SLC24A2: variants seen among roughly 807,000 people sequenced by gnomAD.
SLC24A2 encodes solute carrier family 24 member 2.
SLC24A2 carries 36 observed loss-of-function variants against 62.0 expected under a neutral mutation model. That is an observed-to-expected ratio of 0.58 (90% CI 0.44 to 0.77). The LOEUF (loss-of-function observed/expected upper bound fraction) is 0.77. SLC24A2 is among the 30% of genes least tolerant of loss of function. SLC24A2 has a pLI of 0.00. For missense variants in SLC24A2, 846 were observed against 817.9 expected (o/e 1.03, Z -0.42); for synonymous variants, 358 against 294.0 (o/e 1.22, Z -2.23).
At chr9:20,213,262 G>C in the SLC24A2 span, among the ~76,000 whole-genome samples, 1 of 151,756 alleles carries the variant, frequency 6.6e-6, no homozygotes, top group Admixed American at 6.6e-5. Flanking sequence ...TAAAGAAAAA[G>C]TAAAAACTGG....
chr9:19,722,655 A>G (rs968418034), intron 2 of SLC24A2, among the ~76,000 whole-genome samples: 35 of 37,450 alleles, frequency 9.3e-4, no homozygotes, highest in African/African-American at 7.0e-3. Context: ...GAAATAGGAT[A>G]TTAAAAAAAA....
chr9:19,999,357 A>G, the SLC24A2 span, among the ~76,000 whole-genome samples: 2 of 152,232 alleles, frequency 1.3e-5, no homozygotes, highest in Admixed American at 1.3e-4. Context: ...CTACACAAAT[A>G]TATGAGCTTG....
At chr9:20,187,314 T>C in the SLC24A2 span, among the ~76,000 whole-genome samples, 1 of 152,188 alleles carries the variant, frequency 6.6e-6, no homozygotes, top group Non-Finnish European at 1.5e-5. Flanking sequence ...TACCCAGTAA[T>C]TTGCCAATCA....
chr9:19,803,618 G>T, the SLC24A2 span, among the ~76,000 whole-genome samples: 3,690 of 152,104 alleles, frequency 0.024, 162 homozygotes, highest in African/African-American at 0.084. Flanking sequence ...TAAAATAAAT[G>T]TTTTCTCAAT....
intron 2 of SLC24A2, among the ~76,000 whole-genome samples, chr9:19,676,419 G>A (rs186401564): frequency 3.9e-5 from 6 of 152,282 alleles, no homozygotes; most frequent in African/African-American, 7.2e-5. Flanking sequence ...TCCCCATGCC[G>A]TTGCCAGAAT....
At chr9:19,714,644 T>C (rs1034229470) in intron 2 of SLC24A2, among the ~76,000 whole-genome samples, 1 of 152,154 alleles carries the variant, frequency 6.6e-6, no homozygotes. Flanking sequence ...TTTTTTTGCG[T>C]ATATCTATTT....
the SLC24A2 span, among the ~76,000 whole-genome samples, chr9:19,901,771 G>C: frequency 1.3e-5 from 2 of 152,146 alleles, no homozygotes; most frequent in East Asian, 3.9e-4. Flanking sequence ...TCTGTGGTTG[G>C]TGTTCTTCTT....
chr9:20,230,566 AT>A, the SLC24A2 span, among the ~76,000 whole-genome samples: 1 of 151,222 alleles, frequency 6.6e-6, no homozygotes, highest in African/African-American at 2.4e-5. Context: ...CCTTCACCCA[AT>A]TTTGATGGGG....
At chr9:20,096,681 A>T in the SLC24A2 span, among the ~76,000 whole-genome samples, 8 of 152,112 alleles carry the variant, frequency 5.3e-5, no homozygotes. Context: ...ATTATTTTAG[A>T]AAGATACTTT....
chr9:20,157,056 A>G, the SLC24A2 span, among the ~76,000 whole-genome samples: 1 of 151,798 alleles, frequency 6.6e-6, no homozygotes, highest in Admixed American at 6.6e-5. Flanking sequence ...ACCACTTTAA[A>G]AAAGCAATTT....
At chr9:19,861,795 C>T in the SLC24A2 span, among the ~76,000 whole-genome samples, 2 of 152,086 alleles carry the variant, frequency 1.3e-5, no homozygotes, top group African/African-American at 2.4e-5. Flanking sequence ...AGTTGGCATA[C>T]TGAAGAATGC....
intron 8 of SLC24A2, among the ~76,000 whole-genome samples, chr9:19,540,367 T>C (rs1166024329): frequency 2.8e-3 from 406 of 143,242 alleles, no homozygotes; most frequent in African/African-American, 0.01. Context: ...CCATGTTTAG[T>C]GCTTCCTTCA....
chr9:19,567,183 AAAAG>A lies in SLC24A2; in HGVS notation c.1347+6164_1347+6167del, dbSNP rs1358675421. ...CCTAGAAAAGAATCTGGAAAAAAAA[AAAAG>A]AAAATCTGCTTTTTGGAAACAAAAA... On this transcript the variant is annotated intron_variant, in intron 7 of 10. Transcript: ENST00000341998. Among the ~76,000 whole-genome samples the A allele has an allele frequency of 4.8e-4, 72 of 151,424 alleles. 1 individual carries two copies. Among genetic ancestry groups the A allele is most frequent in the African/African-American group, 1.6e-3 (67 of 41,454 alleles).
chr9:19,520,518 A>C (rs1023919072), intron 10 of SLC24A2, among the ~76,000 whole-genome samples: 1 of 152,186 alleles, frequency 6.6e-6, no homozygotes, highest in Non-Finnish European at 1.5e-5. Flanking sequence ...CTTAAAATCC[A>C]AATCTCACCT....
intron 2 of SLC24A2, among the ~76,000 whole-genome samples, chr9:19,713,207 T>C (rs1820763375): frequency 6.6e-6 from 1 of 152,188 alleles, no homozygotes; most frequent in South Asian, 2.1e-4. Context: ...GTAGATGCTT[T>C]ATAAATATTT....
intron 2 of SLC24A2, among the ~76,000 whole-genome samples, chr9:19,668,521 T>C (rs758365986): frequency 2.0e-5 from 3 of 152,202 alleles, no homozygotes; most frequent in Non-Finnish European, 4.4e-5. Flanking sequence ...CCCCTTTAAG[T>C]TCTAGTTCAA....
chr9:20,208,601 A>C, the SLC24A2 span, among the ~76,000 whole-genome samples: 8 of 152,362 alleles, frequency 5.3e-5, no homozygotes, highest in South Asian at 8.3e-4. Flanking sequence ...CACATACAGT[A>C]ATACAAATGT....
the SLC24A2 span, among the ~76,000 whole-genome samples, chr9:20,017,289 C>G: frequency 6.6e-6 from 1 of 152,180 alleles, no homozygotes; most frequent in African/African-American, 2.4e-5. Flanking sequence ...TCCCAAAGTG[C>G]TGGGATTGCA....
chr9:19,885,589 A>C, the SLC24A2 span, among the ~76,000 whole-genome samples: 1 of 152,138 alleles, frequency 6.6e-6, no homozygotes, highest in Non-Finnish European at 1.5e-5. Context: ...ATTATGATTG[A>C]GGATAATTTT....
Sources: gnomAD v4.1 joint callset for allele counts (sites outside exome capture counted in the v4.1 genomes callset) on GRCh38, gnomAD v4.1.1 for gene constraint, MANE v1.5 for transcripts, NCBI Gene and HGNC (gene_info 2026-07-23, HGNC 2026-07-21) for gene names.